LIN52: variants seen among roughly 807,000 people sequenced by gnomAD.
LIN52 encodes lin-52 DREAM MuvB core complex component.
A neutral mutation model predicts 18.5 loss-of-function variants in LIN52; 4 were observed. That is an observed-to-expected ratio of 0.22 (90% confidence interval 0.11 to 0.49). The LOEUF (loss-of-function observed/expected upper bound fraction) is 0.49, where lower values mean the gene tolerates loss of function less well. Among genes scored for constraint, LIN52 ranks in the 20% least tolerant of loss-of-function variants. LIN52 has a pLI of 0.97. For missense variants in LIN52, 102 were observed against 139.5 expected (o/e 0.73, Z 1.35); for synonymous variants, 34 against 45.5 (o/e 0.75, Z 1.02).
At chr14:74,113,063 A>G (rs2060939658) in intron 5 of LIN52, among the ~76,000 whole-genome samples, 1 of 152,198 alleles carries the variant, frequency 6.6e-6, no homozygotes, top group Non-Finnish European at 1.5e-5. Context: ...AGACAAGGGA[A>G]ATGAGTATGG....
chr14:74,186,967 T>C (rs528239087), intron 5 of LIN52, among the ~76,000 whole-genome samples: 27 of 152,228 alleles, frequency 1.8e-4, no homozygotes, highest in African/African-American at 5.8e-4. Flanking sequence ...TAGTCTGAGC[T>C]ACTCCGAAGT....
At chr14:74,182,595 A>G (rs763872776) in intron 5 of LIN52, among the ~76,000 whole-genome samples, 5 of 152,148 alleles carry the variant, frequency 3.3e-5, no homozygotes, top group Non-Finnish European at 7.4e-5. Flanking sequence ...TCATTTACAT[A>G]TACAGTTGTT....
At chr14:74,089,394 G>A (rs549711763) in intron 1 of LIN52, among the ~76,000 whole-genome samples, 78 of 149,380 alleles carry the variant, frequency 5.2e-4, no homozygotes, top group Admixed American at 1.1e-3. Context: ...TTTGAGACAG[G>A]ATGTGGCTCT....
At chr14:74,157,459 A>ATATT (rs371363719) in intron 5 of LIN52, among the ~76,000 whole-genome samples, 15 of 139,922 alleles carry the variant, frequency 1.1e-4, no homozygotes, top group Admixed American at 2.8e-4. Flanking sequence ...ATATATATAT[A>ATATT]TTTTTTAATT....
intron 5 of LIN52, among the ~76,000 whole-genome samples, chr14:74,108,144 G>T (rs1458479300): frequency 6.6e-6 from 1 of 152,128 alleles, no homozygotes; most frequent in African/African-American, 2.4e-5. Flanking sequence ...CTTGTGACTG[G>T]ATTCTTTCTG....
intron 4 of LIN52, 73 bp downstream of exon 4, chr14:74,097,933 T>A (rs78868240): frequency 2.6e-6 from 3 of 1,148,732 alleles, no homozygotes; most frequent in Non-Finnish European, 3.8e-6. Flanking sequence ...ATTTTTTTTT[T>A]CTGTTTCCTT....
chr14:74,193,295 T>TCAC (rs942779866), intron 5 of LIN52, among the ~76,000 whole-genome samples: 21 of 151,498 alleles, frequency 1.4e-4, no homozygotes, highest in Middle Eastern at 3.4e-3. Flanking sequence ...ATGCCTGTAG[T>TCAC]CACAACTACT....
At chr14:74,119,385 C>T (rs2060985028) in intron 5 of LIN52, among the ~76,000 whole-genome samples, 2 of 151,936 alleles carry the variant, frequency 1.3e-5, no homozygotes, top group African/African-American at 4.8e-5. Context: ...AGGATGGTCT[C>T]GATCTCCTGA....
At chr14:74,183,302 T>C (rs1022317829) in intron 5 of LIN52, among the ~76,000 whole-genome samples, 1 of 152,128 alleles carries the variant, frequency 6.6e-6, no homozygotes, top group Non-Finnish European at 1.5e-5. Context: ...GGATTCACCA[T>C]GTTAGCCAGG....
rs186668796 is a variant in LIN52 at position 74,192,015 on chromosome 14, C to T, written c.284-6907C>T. On this transcript the variant is annotated intron_variant, in intron 5 of 5. Coordinates refer to ENST00000555028, the MANE Select transcript of LIN52 (RefSeq NM_001024674.3). ...AAAGAAGGTAGCTCCACCTAGTACC[C>T]GACATTACTCCAGCCAGGCTTAATA... 5.6e-3 allele frequency among the ~76,000 whole-genome samples: 853 copies of T among 152,284 alleles called. 8 individuals carry two copies. The highest frequency in any genetic ancestry group is 0.02 in the African/African-American group (812 of 41,546).
chr14:74,104,841 A>C (rs1320826477), intron 5 of LIN52, among the ~76,000 whole-genome samples: 1 of 152,150 alleles, frequency 6.6e-6, no homozygotes, highest in Non-Finnish European at 1.5e-5. Flanking sequence ...AATAAAATGC[A>C]GGTGGAACTA....
intron 5 of LIN52, among the ~76,000 whole-genome samples, chr14:74,134,054 G>A (rs933447205): frequency 1.3e-5 from 2 of 152,154 alleles, no homozygotes; most frequent in Non-Finnish European, 2.9e-5. Context: ...GGAGGTACAC[G>A]GGAAGTTTTA....
At chr14:74,106,640 G>A (rs2060898629) in intron 5 of LIN52, among the ~76,000 whole-genome samples, 1 of 152,024 alleles carries the variant, frequency 6.6e-6, no homozygotes, top group Admixed American at 6.6e-5. Context: ...TCCCAGGCTG[G>A]AATGCAGTGG....
At chr14:74,198,880 T>C (rs370733802) in intron 5 of LIN52, 42 bp from the exon 6 acceptor site, 11 of 1,442,714 alleles carry the variant, frequency 7.6e-6, no homozygotes, top group Non-Finnish European at 1.1e-5. Context: ...TTTTTTCCGA[T>C]TTTAGGTTTT....
intron 4 of LIN52, among the ~76,000 whole-genome samples, chr14:74,098,672 C>T (rs888913345): frequency 7.6e-4 from 116 of 151,850 alleles, no homozygotes; most frequent in African/African-American, 2.2e-3. Context: ...CTCAGCCTCC[C>T]GAGTAGCTGG....
chr14:74,085,103 C>G, intron 1 of LIN52, 110 bp downstream of exon 1: 1 of 1,049,626 alleles, frequency 9.5e-7, no homozygotes, highest in African/African-American at 1.6e-5. Context: ...GGCTCTTCTC[C>G]TTTCCCTTTT....
intron 5 of LIN52, among the ~76,000 whole-genome samples, chr14:74,188,844 G>A (rs1332060382): frequency 1.3e-5 from 2 of 152,124 alleles, no homozygotes; most frequent in Non-Finnish European, 2.9e-5. Context: ...CAATCCAGTG[G>A]TTCTTATCTA....
At chr14:74,156,208 T>G (rs2061198432) in intron 5 of LIN52, among the ~76,000 whole-genome samples, 2 of 152,370 alleles carry the variant, frequency 1.3e-5, no homozygotes, top group Middle Eastern at 3.4e-3. Context: ...TTGGCATTAT[T>G]TGGTTACAGA....
At chr14:74,113,417 G>A (rs2060942295) in intron 5 of LIN52, among the ~76,000 whole-genome samples, 1 of 151,808 alleles carries the variant, frequency 6.6e-6, no homozygotes. Context: ...AGGAAAGAAA[G>A]AAAACCTTAA....
Sources: gnomAD v4.1 joint callset for allele counts (sites outside exome capture counted in the v4.1 genomes callset) on GRCh38, gnomAD v4.1.1 for gene constraint, MANE v1.5 for transcripts, NCBI Gene and HGNC (gene_info 2026-07-23, HGNC 2026-07-21) for gene names.